The following NEIL3 variants were observed in gnomAD, a reference collection of about 807,000 sequenced individuals.
NEIL3 encodes nei like DNA glycosylase 3.
NEIL3 carries 48 observed loss-of-function variants against 57.5 expected under a neutral mutation model. That is an observed-to-expected ratio of 0.83 (90% CI 0.66 to 1.06). The LOEUF (loss-of-function observed/expected upper bound fraction) is 1.06. Among genes scored for constraint, NEIL3 ranks in the 50% least tolerant of loss-of-function variants. NEIL3 has a pLI of 0.00. For missense variants in NEIL3, 717 were observed against 739.1 expected (o/e 0.97, Z 0.35); for synonymous variants, 261 against 253.2 (o/e 1.03, Z -0.29).
chr4:177,352,771 A>T (rs984504719), intron 7 of NEIL3, among the ~76,000 whole-genome samples: 1 of 151,986 alleles, frequency 6.6e-6, no homozygotes, highest in African/African-American at 2.4e-5. Flanking sequence ...CGGAGGTTGC[A>T]GTGAGCCGAG....
chr4:177,361,177 A>G (rs577732051), intron 9 of NEIL3, among the ~76,000 whole-genome samples: 3 of 152,326 alleles, frequency 2.0e-5, no homozygotes, highest in African/African-American at 7.2e-5. Flanking sequence ...CAATTTAGCT[A>G]TAGGCGATTC....
chr4:177,322,602 C>CA (rs761814439), intron 2 of NEIL3, 22 bp downstream of exon 2: 50 of 1,613,180 alleles, frequency 3.1e-5, no homozygotes, highest in Non-Finnish European at 3.8e-5. Flanking sequence ...CTGTACGATA[C>CA]ATCTTATCTC....
chr4:177,322,429 G>A, intron 1 of NEIL3, 30 bp from the exon 2 acceptor site: 1 of 1,613,350 alleles, frequency 6.2e-7, no homozygotes, highest in South Asian at 1.1e-5. Context: ...GTGTGTGTGT[G>A]CTTATGTGTG....
Position 177,351,414 on chromosome 4 carries a change from A to G in NEIL3, c.904A>G (p.Thr302Ala). 1 of 1,613,278 alleles carries G rather than the reference A, an allele frequency of 6.2e-7. No individual in the cohort carries two copies. The highest frequency in any genetic ancestry group is 8.5e-7 in the Non-Finnish European group (1 of 1,179,654). The change falls in exon 7 of 10, where the codon ACA becomes GCA. Residue 302 changes from threonine (T) to alanine (A), a missense_variant. Physicochemically the swap from Thr to Ala is moderately conservative, Grantham distance 58. Coordinates refer to ENST00000264596, the MANE Select transcript of NEIL3 (RefSeq NM_018248.3). ...GACTAGAAATACTATAATCAGTTGGACATCTAGCAGGGTGGATCATGTTAT... is the reference window on the plus strand; with the variant it reads ...GACTAGAAATACTATAATCAGTTGGGCATCTAGCAGGGTGGATCATGTTAT... ...LPTRNTIISW[T>A]SSRVDHVMDS...
At position 177,315,902 on chromosome 4, in the gene NEIL3, C is replaced by T. The variant is rs1734565682; in HGVS notation, c.156+5793C>T. Among the ~76,000 whole-genome samples, 3 of 152,136 alleles carry T rather than the reference C, an allele frequency of 2.0e-5. No homozygotes were observed. The South Asian group carries it at 6.2e-4, about 32-fold the overall frequency. On this transcript the variant is annotated intron_variant, in intron 1 of 9. Coordinates refer to ENST00000264596, the MANE Select transcript of NEIL3 (RefSeq NM_018248.3). ...TTGGGTAAACCATCTGCATGATAGA[C>T]AACTGAATAAAAAAATCTTGATGTG...
Position 177,351,502 on chromosome 4 carries a change from A to G in NEIL3, c.992A>G (p.Lys331Arg), listed in dbSNP as rs1373993216. The stretch of plus-strand genomic sequence containing the variant: ...TGTGTGGTGTGTACTTTAATCAATA[A>G]GCCCTCTTCTAAGGCATGTGATGCT... ...WTCVVCTLIN[K>R]PSSKACDACL... Residue 331 changes from lysine to arginine, a missense_variant, in exon 7 of 10, where the codon AAG becomes AGG. Coordinates refer to ENST00000264596, the MANE Select transcript of NEIL3 (RefSeq NM_018248.3). 6.2e-7 allele frequency: 1 copy of G among 1,613,938 alleles called. No individual in the cohort carries two copies. The highest frequency in any genetic ancestry group is 1.3e-5 in the African/African-American group (1 of 74,900).
At chr4:177,366,917 A>C (rs1416846286), downstream of NEIL3, among the ~76,000 whole-genome samples, 1 of 151,910 alleles carries the variant, frequency 6.6e-6, no homozygotes, top group African/African-American at 2.4e-5. Context: ...CGTCATCTCC[A>C]CTCTACTATT....
intron 6 of NEIL3, among the ~76,000 whole-genome samples, chr4:177,348,672 C>A (rs77220215): frequency 6.6e-6 from 1 of 152,060 alleles, no homozygotes; most frequent in Admixed American, 6.5e-5. Context: ...AGTTAAACTT[C>A]TTTTGCTTCA....
chr4:177,359,535 T>C (rs1735563877), intron 8 of NEIL3, among the ~76,000 whole-genome samples: 1 of 152,148 alleles, frequency 6.6e-6, no homozygotes, highest in South Asian at 2.1e-4. Flanking sequence ...TTTTTAAGTT[T>C]TTTTTTAACA....
In NEIL3 at chr4:177,311,651, G is replaced by A. The variant is rs546590932; in HGVS notation, c.156+1542G>A. On this transcript the variant is annotated intron_variant, in intron 1 of 9. Coordinates refer to ENST00000264596, the MANE Select transcript of NEIL3 (RefSeq NM_018248.3). ...GTCGCGTTATTGCACCCCAGCCTGGGCAACAAGAGCGAAACTCTGTCTCAA... is the reference window on the plus strand; with the variant it reads ...GTCGCGTTATTGCACCCCAGCCTGGACAACAAGAGCGAAACTCTGTCTCAA... Among the ~76,000 whole-genome samples, 6 of 146,550 alleles carry A rather than the reference G, an allele frequency of 4.1e-5. No homozygotes were observed. The South Asian group carries it at 1.1e-3, about 27-fold the overall frequency.
intron 8 of NEIL3, among the ~76,000 whole-genome samples, chr4:177,355,571 A>G (rs1413370434): frequency 1.3e-5 from 2 of 152,148 alleles, no homozygotes; most frequent in Non-Finnish European, 2.9e-5. Flanking sequence ...TTGGGAACCT[A>G]CGGCTATGGA....
At chr4:177,367,651 G>A (rs1320857453), downstream of NEIL3, among the ~76,000 whole-genome samples, 1 of 152,174 alleles carries the variant, frequency 6.6e-6, no homozygotes, top group Non-Finnish European at 1.5e-5. Context: ...CTTAACTTGC[G>A]AGATGCTATG....
At chr4:177,318,284 C>T (rs1314987909) in intron 1 of NEIL3, among the ~76,000 whole-genome samples, 2 of 152,106 alleles carry the variant, frequency 1.3e-5, no homozygotes, top group African/African-American at 2.4e-5. Flanking sequence ...CCATTAAGAA[C>T]CCTTACTTTT....
chr4:177,362,484 C>G lies in NEIL3; in HGVS notation c.*13C>G. Reference sequence around the variant, plus strand: ...TCCTGGATGCTAATATCTGTAGATTCTCTGGCATTTAGTCTCTTCAAACTG... The same window carrying G: ...TCCTGGATGCTAATATCTGTAGATTGTCTGGCATTTAGTCTCTTCAAACTG... On this transcript the variant is annotated 3_prime_UTR_variant, in exon 10 of 10. Transcript: ENST00000264596. 6.3e-7 allele frequency: 1 copy of G among 1,595,232 alleles called. No homozygotes were observed. The highest frequency in any genetic ancestry group is 8.6e-7 in the Non-Finnish European group (1 of 1,167,936).
chr4:177,324,754 A>G (rs1375196907), intron 2 of NEIL3, among the ~76,000 whole-genome samples: 1 of 152,136 alleles, frequency 6.6e-6, no homozygotes, highest in Non-Finnish European at 1.5e-5. Flanking sequence ...AATAATGAAA[A>G]TAAGTGTAAA....
At chr4:177,363,233 T>TA (rs1041603238), downstream of NEIL3, among the ~76,000 whole-genome samples, 5 of 151,974 alleles carry the variant, frequency 3.3e-5, no homozygotes, top group African/African-American at 9.7e-5. Context: ...TGTATGCTTG[T>TA]AAAAAAAAGT....
chr4:177,351,206 C>CAAAA lies in NEIL3; in HGVS notation c.870-145_870-142dup, dbSNP rs749430879. On this transcript the variant is annotated intron_variant, in intron 6 of 9. Transcript: ENST00000264596. ...ATGACAGAGCAAGACCCCATCTCTA[C>CAAAA]AAAAAAAAAAAAAAAAAAAAAAAAA... Among the ~76,000 whole-genome samples, 333 of 58,542 alleles carry CAAAA rather than the reference C, an allele frequency of 5.7e-3. 28 individuals carry two copies. The highest frequency in any genetic ancestry group is 0.012 in the African/African-American group (157 of 12,836). 38.4% of individuals were successfully genotyped at this position (58,542 alleles called of 152,430 possible). A position where few individuals can be genotyped will look rare whatever the true frequency, so the allele number is the denominator to read the frequency against.
chr4:177,354,714 T>C lies in NEIL3; in HGVS notation c.1460+986T>C, dbSNP rs377569097. On this transcript the variant is annotated intron_variant, in intron 8 of 9. Transcript: ENST00000264596. ...CCAGGCTGGTCTCGAACTCCTGACC[T>C]CAGGTGATCTGCCCACCTCAGCCTT... Among the ~76,000 whole-genome samples the C allele has an allele frequency of 1.9e-4, 29 of 152,244 alleles. No homozygotes were observed. The East Asian group carries it at 5.2e-3, about 27-fold the overall frequency.
intron 1 of NEIL3, among the ~76,000 whole-genome samples, chr4:177,311,456 G>T (rs368860836): frequency 6.6e-6 from 1 of 151,896 alleles, no homozygotes; most frequent in Non-Finnish European, 1.5e-5. Flanking sequence ...TGGGCAGATC[G>T]CCTGAGGTTG....
Sources: gnomAD v4.1 joint callset for allele counts (sites outside exome capture counted in the v4.1 genomes callset) on GRCh38, gnomAD v4.1.1 for gene constraint, MANE v1.5 for transcripts, NCBI Gene and HGNC (gene_info 2026-07-23, HGNC 2026-07-21) for gene names.